TANC2: variants seen among roughly 807,000 people sequenced by gnomAD.
The protein encoded by TANC2 is tetratricopeptide repeat, ankyrin repeat and coiled-coil containing 2.
TANC2 carries 26 observed loss-of-function variants against 210.5 expected under a neutral mutation model. The observed-to-expected ratio is 0.12, with a 90% CI of 0.09 to 0.17. The LOEUF (loss-of-function observed/expected upper bound fraction) is 0.17. Ranked by LOEUF, TANC2 falls within the 10% of genes least tolerant of loss-of-function variation. The probability of loss-of-function intolerance (pLI) is 1.00; values close to 1 mark genes in which losing one functional copy is unlikely to be tolerated. For synonymous variants in TANC2, 931 were observed against 967.1 expected (o/e 0.96, Z 0.69); for missense variants, 2,129 against 2,608.9 (o/e 0.82, Z 4.01).
chr17:63,126,504 G>A (rs1000936502), intron 4 of TANC2, among the ~76,000 whole-genome samples: 10 of 152,122 alleles, frequency 6.6e-5, no homozygotes, highest in African/African-American at 2.4e-4. Context: ...CACCTCCTGG[G>A]TTCAAGCGAT....
intron 3 of TANC2, among the ~76,000 whole-genome samples, chr17:63,083,076 C>A (rs1385617650): frequency 6.6e-6 from 1 of 152,190 alleles, no homozygotes; most frequent in African/African-American, 2.4e-5. Context: ...TCTCTCCTTA[C>A]AATCAAAATG....
intron 15 of TANC2, among the ~76,000 whole-genome samples, chr17:63,380,292 C>T (rs1183170738): frequency 6.6e-6 from 1 of 152,202 alleles, no homozygotes; most frequent in Non-Finnish European, 1.5e-5. Flanking sequence ...AATCTCTCTT[C>T]AAATTATATC....
intron 9 of TANC2, among the ~76,000 whole-genome samples, chr17:63,311,026 A>C (rs977044572): frequency 1.3e-5 from 2 of 152,254 alleles, no homozygotes; most frequent in Admixed American, 6.5e-5. Context: ...AGCATAGTAG[A>C]TAAGATTCAG....
intron 1 of TANC2, among the ~76,000 whole-genome samples, chr17:62,992,766 A>G (rs1324697602): frequency 2.6e-5 from 4 of 152,234 alleles, no homozygotes; most frequent in African/African-American, 9.6e-5. Context: ...TAACTATGTT[A>G]TACATGTTGG....
chr17:63,263,952 G>A (rs1043354758), intron 8 of TANC2, among the ~76,000 whole-genome samples: 3 of 152,090 alleles, frequency 2.0e-5, no homozygotes, highest in Admixed American at 1.3e-4. Context: ...CAAACTATAC[G>A]GAAATATAAC....
chr17:63,386,802 T>C (rs540915982), intron 15 of TANC2, among the ~76,000 whole-genome samples: 1 of 152,322 alleles, frequency 6.6e-6, no homozygotes, highest in South Asian at 2.1e-4. Flanking sequence ...TTTTTATAAT[T>C]TCAAAAACTG....
At chr17:63,265,906 TC>T (rs2043511917) in intron 8 of TANC2, among the ~76,000 whole-genome samples, 1 of 152,182 alleles carries the variant, frequency 6.6e-6, no homozygotes, top group African/African-American at 2.4e-5. Flanking sequence ...ACATGTTCAT[TC>T]CTTTTAGTTC....
intron 7 of TANC2, among the ~76,000 whole-genome samples, chr17:63,214,124 G>A (rs1381035962): frequency 6.6e-6 from 1 of 152,180 alleles, no homozygotes. Context: ...TCCTGTATTG[G>A]TCACAGCCTG....
chr17:63,021,597 T>C (rs1453944633), intron 2 of TANC2, among the ~76,000 whole-genome samples: 1 of 152,250 alleles, frequency 6.6e-6, no homozygotes, highest in Non-Finnish European at 1.5e-5. Flanking sequence ...CTTTCTTCTT[T>C]ATAAATTATC....
At chr17:62,976,786 T>C (rs1413613321) in intron 1 of TANC2, among the ~76,000 whole-genome samples, 1 of 152,232 alleles carries the variant, frequency 6.6e-6, no homozygotes, top group African/African-American at 2.4e-5. Context: ...ATGCTTATAC[T>C]GGTCCAAGAA....
chr17:63,091,613 G>A (rs1245417047), intron 3 of TANC2, among the ~76,000 whole-genome samples: 1 of 152,138 alleles, frequency 6.6e-6, no homozygotes, highest in Non-Finnish European at 1.5e-5. Flanking sequence ...GGTTACTGTA[G>A]CCTTGTAGTA....
intron 11 of TANC2, among the ~76,000 whole-genome samples, chr17:63,324,552 G>A (rs2045587771): frequency 1.3e-5 from 2 of 152,138 alleles, no homozygotes; most frequent in Admixed American, 6.5e-5. Flanking sequence ...TTGTGTTGTA[G>A]TGATTATTTT....
intron 8 of TANC2, among the ~76,000 whole-genome samples, chr17:63,243,462 A>G (rs1213814301): frequency 2.0e-5 from 3 of 152,358 alleles, no homozygotes; most frequent in Non-Finnish European, 4.4e-5. Context: ...AACCATTCAC[A>G]TGTCCATCAA....
intron 7 of TANC2, among the ~76,000 whole-genome samples, chr17:63,224,131 T>C (rs180713963): frequency 1.9e-4 from 29 of 152,096 alleles, no homozygotes; most frequent in Admixed American, 1.8e-3. Flanking sequence ...TTTTAAAAAA[T>C]AAAGTAAGCA....
rs532253777 is a variant in TANC2 at position 63,214,681 on chromosome 17, G to A, written c.769+13724G>A. ...TTTTATACAGGTACTAATCCCATTTGTGAGGACCTAATCAACCCCCAAAGG... is the reference window on the plus strand; with the variant it reads ...TTTTATACAGGTACTAATCCCATTTATGAGGACCTAATCAACCCCCAAAGG... On this transcript the variant is annotated intron_variant, in intron 7 of 27. Coordinates refer to ENST00000689528, the Ensembl canonical transcript of TANC2. Among the ~76,000 whole-genome samples the A allele has an allele frequency of 3.3e-5, 5 of 152,276 alleles. No individual in the cohort carries two copies. In the South Asian group the frequency reaches 8.3e-4, roughly 25 times the overall value.
chr17:63,321,981 G>C (rs571308529), intron 11 of TANC2, among the ~76,000 whole-genome samples: 1 of 152,012 alleles, frequency 6.6e-6, no homozygotes, highest in South Asian at 2.1e-4. Context: ...TTTACAGATG[G>C]TCTGTAATAT....
At chr17:62,977,483 A>G (rs1028488208) in intron 1 of TANC2, among the ~76,000 whole-genome samples, 2 of 152,208 alleles carry the variant, frequency 1.3e-5, no homozygotes, top group African/African-American at 4.8e-5. Context: ...ATAACTTCAT[A>G]TAATGAGTCT....
chr17:63,349,592 A>G (rs1193337952), intron 12 of TANC2, among the ~76,000 whole-genome samples: 3 of 152,166 alleles, frequency 2.0e-5, no homozygotes, highest in Admixed American at 6.5e-5. Flanking sequence ...CACAATTCCA[A>G]GCTACCAGCT....
At chr17:62,985,387 C>A (rs543240421) in intron 1 of TANC2, among the ~76,000 whole-genome samples, 1 of 152,114 alleles carries the variant, frequency 6.6e-6, no homozygotes, top group Non-Finnish European at 1.5e-5. Context: ...GTTCTTTGAG[C>A]CTCCTAGATC....
Sources: allele counts gnomAD v4.1 joint callset (sites outside exome capture counted in the v4.1 genomes callset), GRCh38; gene constraint gnomAD v4.1.1; transcripts MANE v1.5; gene names NCBI Gene and HGNC (gene_info 2026-07-23, HGNC 2026-07-21).